Variants in RB1 observed in about 807,000 individuals in gnomAD.
RB1 encodes the protein retinoblastoma-associated protein.
Under a neutral mutation model 135.4 loss-of-function variants are expected in RB1, and 18 were observed. The ratio of observed to expected loss-of-function variants is 0.13; its 90% CI spans 0.09 to 0.20. RB1 has a LOEUF of 0.20. Ranked by LOEUF, RB1 falls within the 10% of genes least tolerant of loss-of-function variation. The probability of loss-of-function intolerance (pLI) is 1.00; values close to 1 mark genes in which losing one functional copy is unlikely to be tolerated. For missense variants in RB1, 868 were observed against 1,110.0 expected (o/e 0.78, Z 3.10); for synonymous variants, 365 against 373.2 (o/e 0.98, Z 0.25).
chr13:48,381,617 C>T (rs576033038), intron 17 of RB1, among the ~76,000 whole-genome samples, 174 bp downstream of exon 17: 1 of 152,248 alleles, frequency 6.6e-6, no homozygotes, highest in African/African-American at 2.4e-5. Flanking sequence ...GAGCTTTAAT[C>T]GAGCACCCTA....
chr13:48,362,667 T>C (rs1479337479), intron 7 of RB1, 148 bp from the exon 8 acceptor site: 3 of 853,602 alleles, frequency 3.5e-6, no homozygotes, highest in Admixed American at 2.4e-5. Context: ...TAGATATGGA[T>C]GAAATTGTTA....
At chr13:48,419,822 C>T (rs184688789) in intron 17 of RB1, among the ~76,000 whole-genome samples, 33 of 152,290 alleles carry the variant, frequency 2.2e-4, no homozygotes, top group Non-Finnish European at 4.1e-4. Flanking sequence ...CATACACCCT[C>T]CCAAGAGTAA....
intron 4 of RB1, among the ~76,000 whole-genome samples, 164 bp from the exon 5 acceptor site, chr13:48,347,661 G>A (rs1952510190): frequency 6.6e-6 from 1 of 151,958 alleles, no homozygotes. Flanking sequence ...GATGTGAGAT[G>A]TCATAAATTG....
In RB1 at chr13:48,349,019, T is replaced by C; in HGVS notation, c.603T>C (p.Ala201=). The stretch of plus-strand genomic sequence containing the variant: ...TTTCTTGGATCACATTTTTATTAGC[T>C]AAAGGTAAGTTCATTATATTTATTA... ...LKVSWITFLL[A]KGEVLQMEDD... The change falls in exon 6 of 27, where the codon GCT becomes GCC. Residue 201 remains alanine, a synonymous_variant. Coordinates refer to ENST00000267163, the MANE Select transcript of RB1 (RefSeq NM_000321.3). 1 of 1,597,018 alleles carries C rather than the reference T, an allele frequency of 6.3e-7. No homozygotes were observed. The highest frequency in any genetic ancestry group is 2.2e-5 in the East Asian group (1 of 44,488).
At position 48,455,666 on chromosome 13, in the gene RB1, A is replaced by G. The variant is rs1332867552; in HGVS notation, c.1815-538A>G. Among the ~76,000 whole-genome samples the G allele has an allele frequency of 2.0e-5, 3 of 152,328 alleles. No homozygotes were observed. In the East Asian group the frequency reaches 5.8e-4, roughly 29 times the overall value. ...GGCAGCACAGAACGATAATATTTGT[A>G]ATATCTCTGCCTTGAGTTATGCCTG... On this transcript the variant is annotated intron_variant, in intron 18 of 26. Coordinates refer to ENST00000267163, the MANE Select transcript of RB1 (RefSeq NM_000321.3).
rs1264391194 is a variant in RB1, at chr13:48,412,580, A to G, written c.1695+31137A>G. The G allele has an allele frequency of 9.3e-6, 6 of 646,374 alleles. No individual in the cohort carries two copies. In the Admixed American group the frequency reaches 1.4e-4, roughly 15 times the overall value. 40.0% of individuals were successfully genotyped at this position (646,374 alleles called of 1,614,324 possible). A position where few individuals can be genotyped will look rare whatever the true frequency, so the allele number is the denominator to read the frequency against. Reference sequence around the variant, plus strand: ...TATTTCCTTTTTCTCAGAAATACCCAAAAGAAACATGAAATTTGTTGCTGT... The same window carrying G: ...TATTTCCTTTTTCTCAGAAATACCCGAAAGAAACATGAAATTTGTTGCTGT... On this transcript the variant is annotated intron_variant, in intron 17 of 26. Transcript: ENST00000267163.
At chr13:48,329,280 G>A (rs759269089) in intron 2 of RB1, among the ~76,000 whole-genome samples, 4 of 152,084 alleles carry the variant, frequency 2.6e-5, no homozygotes, top group Non-Finnish European at 5.9e-5. Context: ...GAATTACAGT[G>A]TACTTGAAAA....
intron 6 of RB1, among the ~76,000 whole-genome samples, chr13:48,350,016 A>G (rs1952534210): frequency 6.6e-6 from 1 of 152,170 alleles, no homozygotes; most frequent in African/African-American, 2.4e-5. Context: ...TATGCAACTA[A>G]TACTGGAGCA....
At chr13:48,436,260 A>G (rs1208204023) in intron 17 of RB1, among the ~76,000 whole-genome samples, 1 of 152,228 alleles carries the variant, frequency 6.6e-6, no homozygotes, top group Non-Finnish European at 1.5e-5. Flanking sequence ...TCATGTGGAT[A>G]TCTTTGGTGT....
At chr13:48,447,595 A>G (rs1201029628) in intron 17 of RB1, among the ~76,000 whole-genome samples, 3 of 152,156 alleles carry the variant, frequency 2.0e-5, no homozygotes, top group Non-Finnish European at 4.4e-5. Flanking sequence ...CACTTCTCAT[A>G]TACTATGATT....
chr13:48,390,859 A>G (rs1190725281), intron 17 of RB1, among the ~76,000 whole-genome samples: 5 of 152,116 alleles, frequency 3.3e-5, no homozygotes, highest in African/African-American at 1.2e-4. Context: ...ATTCTTAAAG[A>G]AGTGATTTTC....
chr13:48,394,686 G>C (rs1948634526), intron 17 of RB1, among the ~76,000 whole-genome samples: 1 of 152,206 alleles, frequency 6.6e-6, no homozygotes, highest in African/African-American at 2.4e-5. Context: ...TAGCCAGACT[G>C]CCTTTCTAGA....
At chr13:48,453,213 T>A in intron 18 of RB1, 102 bp downstream of exon 18, 2 of 1,166,312 alleles carry the variant, frequency 1.7e-6, no homozygotes, top group Non-Finnish European at 2.5e-6. Context: ...AATAGAATTT[T>A]GAATAAGAAT....
intron 1 of RB1, among the ~76,000 whole-genome samples, chr13:48,306,824 C>G (rs538220326): frequency 1.5e-4 from 23 of 152,070 alleles, no homozygotes; most frequent in Admixed American, 1.3e-4. Context: ...AATAAGCAGT[C>G]GCATCATGTA....
Position 48,345,370 on chromosome 13 carries a change from A to G in RB1, c.500+171A>G, listed in dbSNP as rs4151456. ...TTAGCTTTCTTATTTATCCAGTAATATGCATTCTGAATGCTTCCTGGAAAA... is the reference window on the plus strand; with the variant it reads ...TTAGCTTTCTTATTTATCCAGTAATGTGCATTCTGAATGCTTCCTGGAAAA... On this transcript the variant is annotated intron_variant, in intron 4 of 26. Coordinates refer to ENST00000267163, the MANE Select transcript of RB1 (RefSeq NM_000321.3). 0.012 allele frequency among the ~76,000 whole-genome samples: 1,768 copies of G among 152,264 alleles called. 68 individuals carry two copies. In the East Asian group the frequency reaches 0.12, roughly 10 times the overall value.
intron 6 of RB1, among the ~76,000 whole-genome samples, chr13:48,351,163 T>G (rs1307142186): frequency 6.6e-6 from 1 of 152,178 alleles, no homozygotes; most frequent in Admixed American, 6.5e-5. Flanking sequence ...TCAGACTGCT[T>G]TCTACAATGT....
chr13:48,324,135 T>C (rs1952264508), intron 2 of RB1, among the ~76,000 whole-genome samples: 2 of 152,152 alleles, frequency 1.3e-5, no homozygotes, highest in Admixed American at 1.3e-4. Context: ...GCATATAATG[T>C]GTAATGACCA....
At chr13:48,358,828 G>A (rs1952614102) in intron 6 of RB1, among the ~76,000 whole-genome samples, 3 of 152,084 alleles carry the variant, frequency 2.0e-5, no homozygotes, top group Admixed American at 2.0e-4. Context: ...TAAAATGAAA[G>A]CAAAAGAATG....
intron 2 of RB1, among the ~76,000 whole-genome samples, chr13:48,310,793 T>C (rs1261951514): frequency 1.3e-5 from 2 of 152,192 alleles, no homozygotes; most frequent in Non-Finnish European, 2.9e-5. Context: ...TGAAAGCATA[T>C]ATTAATCCCT....
Sources: allele counts gnomAD v4.1 joint callset (sites outside exome capture counted in the v4.1 genomes callset), GRCh38; gene constraint gnomAD v4.1.1; transcripts MANE v1.5; gene names NCBI Gene and HGNC (gene_info 2026-07-23, HGNC 2026-07-21).